Variants in UNC50 observed in about 807,000 individuals in gnomAD.
The protein encoded by UNC50 is protein unc-50 homolog.
UNC50 carries 24 observed loss-of-function variants against 31.5 expected under a neutral mutation model. The observed-to-expected ratio is 0.76, with a 90% CI of 0.55 to 1.07. UNC50 has a LOEUF of 1.07. Among genes scored for constraint, UNC50 ranks in the 50% least tolerant of loss-of-function variants. The pLI is 0.00. For missense variants in UNC50, 245 were observed against 304.2 expected (o/e 0.81, Z 1.45); for synonymous variants, 118 against 114.7 (o/e 1.03, Z -0.18).
At chr2:98,609,031 G>C (rs891140801) in intron 1 of UNC50, 2 of 155,034 alleles carry the variant, frequency 1.3e-5, no homozygotes, top group Non-Finnish European at 2.9e-5. Flanking sequence ...GTTTTTATTT[G>C]CTAAATCTGG....
intron 5 of UNC50, among the ~76,000 whole-genome samples, chr2:98,617,330 C>A (rs914522046): frequency 6.6e-6 from 1 of 152,178 alleles, no homozygotes; most frequent in African/African-American, 2.4e-5. Flanking sequence ...GTTCTCTCCC[C>A]CCTTGGCTGG....
At chr2:98,616,576 G>A (rs375128650) in intron 5 of UNC50, 43 bp downstream of exon 5, 12 of 1,511,660 alleles carry the variant, frequency 7.9e-6, no homozygotes, top group Non-Finnish European at 1.0e-5. Flanking sequence ...AACATAGCAA[G>A]AGGGGGAAAG....
intron 5 of UNC50, among the ~76,000 whole-genome samples, chr2:98,617,186 A>G (rs1318478955): frequency 6.6e-6 from 1 of 152,228 alleles, no homozygotes; most frequent in African/African-American, 2.4e-5. Flanking sequence ...CCCATTAAAT[A>G]AAGCCAAATA....
Position 98,609,983 on chromosome 2 carries a change from A to G in UNC50, c.224A>G (p.Asp75Gly). 2.5e-6 allele frequency: 4 copies of G among 1,614,234 alleles called. No homozygotes were observed. Among genetic ancestry groups the G allele is most frequent in the Non-Finnish European group, 3.4e-6 (4 of 1,180,040 alleles). ...RNFHYRKQTK[D>G]QWARDDPAFL... is the part of the protein sequence containing the mutation. ...TTTCATTATCGAAAACAGACGAAGG[A>G]CCAGTGGGCCAGAGATGACCCTGCT... The change falls in exon 2 of 6, where the codon GAC (aspartate) becomes GGC (glycine). Residue 75 changes from aspartate (D) to glycine (G), a missense_variant. Transcript: ENST00000357765.
At chr2:98,610,701 AG>A (rs1700812142) in intron 2 of UNC50, 73 bp from the exon 3 acceptor site, 3 of 1,552,070 alleles carry the variant, frequency 1.9e-6, no homozygotes, top group Non-Finnish European at 2.6e-6. Context: ...GGGCATCTGG[AG>A]GGCAAGGGAT....
intron 3 of UNC50, among the ~76,000 whole-genome samples, chr2:98,611,633 T>A (rs558662628): frequency 1.1e-4 from 16 of 152,308 alleles, no homozygotes; most frequent in African/African-American, 3.6e-4. Flanking sequence ...CCAGCTTGAC[T>A]TTTCCCTTTG....
At chr2:98,614,279 G>C (rs925329772) in intron 3 of UNC50, among the ~76,000 whole-genome samples, 1 of 152,192 alleles carries the variant, frequency 6.6e-6, no homozygotes, top group Admixed American at 6.5e-5. Context: ...GGAATAGAGA[G>C]GAGAGATGGA....
At chr2:98,613,175 T>A (rs1300676305) in intron 3 of UNC50, among the ~76,000 whole-genome samples, 1 of 152,230 alleles carries the variant, frequency 6.6e-6, no homozygotes, top group African/African-American at 2.4e-5. Context: ...TAATATAAAA[T>A]TCTAAAATCT....
chr2:98,608,936 A>G (rs999942400), intron 1 of UNC50: 3 of 205,256 alleles, frequency 1.5e-5, no homozygotes, highest in Admixed American at 5.7e-5. Flanking sequence ...TAGTATAAGC[A>G]TGTCCGAAAT....
At position 98,618,401 on chromosome 2, in the gene UNC50, T is replaced by C. The variant is rs1700977447; in HGVS notation, c.*97T>C. The C allele has an allele frequency of 7.4e-7, 1 of 1,346,722 alleles. No homozygotes were observed. Among genetic ancestry groups the C allele is most frequent in the Non-Finnish European group, 9.7e-7 (1 of 1,027,396 alleles). 83.4% of individuals were successfully genotyped at this position (1,346,722 alleles called of 1,614,324 possible). On this transcript the variant is annotated 3_prime_UTR_variant, in exon 6 of 6. Coordinates refer to ENST00000357765, the MANE Select transcript of UNC50 (RefSeq NM_014044.7). ...AAATAAACTATCATCTTTGTAGATATCTTAAAGGTGTAAAGTTTGCAAATT... is the reference window on the plus strand; with the variant it reads ...AAATAAACTATCATCTTTGTAGATACCTTAAAGGTGTAAAGTTTGCAAATT...
At chr2:98,613,570 T>G (rs918767080) in intron 3 of UNC50, among the ~76,000 whole-genome samples, 1 of 152,126 alleles carries the variant, frequency 6.6e-6, no homozygotes, top group African/African-American at 2.4e-5. Flanking sequence ...CATCAGATCT[T>G]GTGAGACTCA....
rs1280335613 is a variant in UNC50 at position 98,616,430 on chromosome 2, A to G, written c.542-2A>G. 6.2e-7 allele frequency: 1 copy of G among 1,614,080 alleles called. No individual in the cohort carries two copies. The highest frequency in any genetic ancestry group is 2.2e-5 in the East Asian group (1 of 44,868). On this transcript the variant is annotated splice_acceptor_variant, in intron 4 of 5. Transcript: ENST00000357765. LOFTEE classifies it high-confidence loss of function. ...ACTCATGGTCTGCGTCTCTTCTGGCAGATGTTATCCTGACAGACACATTTA... is the reference window on the plus strand; with the variant it reads ...ACTCATGGTCTGCGTCTCTTCTGGCGGATGTTATCCTGACAGACACATTTA...
intron 5 of UNC50, 147 bp from the exon 6 acceptor site, chr2:98,618,021 T>A: frequency 1.2e-6 from 1 of 859,328 alleles, no homozygotes. Context: ...AGTCTAGTTC[T>A]GGGCATAAAT....
rs1553534036 is a variant in UNC50 at position 98,618,138 on chromosome 2, T to TA, written c.644-27dup. The TA allele has an allele frequency of 0.07, 101,673 of 1,454,496 alleles. 1,237 individuals carry two copies. The highest frequency in any genetic ancestry group is 0.16 in the East Asian group (6,053 of 38,668). 90.1% of individuals were successfully genotyped at this position (1,454,496 alleles called of 1,614,324 possible). A position where few individuals can be genotyped will look rare whatever the true frequency, so the allele number is the denominator to read the frequency against. On this transcript the variant is annotated intron_variant, in intron 5 of 5. Coordinates refer to ENST00000357765, the MANE Select transcript of UNC50 (RefSeq NM_014044.7). ...TTAGTCATTTATTTTTTTTTTTTTTTAAATCAGTTTGGATTCCTTTCTTTT... is the reference window on the plus strand; with the variant it reads ...TTAGTCATTTATTTTTTTTTTTTTTTAAAATCAGTTTGGATTCCTTTCTTTT...
Position 98,610,014 on chromosome 2 carries a change from G to A in UNC50, c.255G>A (p.Leu85=). ...DQWARDDPAF[L]VLLSIWLCVS... Reference sequence around the variant, plus strand: ...GGGCCAGAGATGACCCTGCTTTCTTGGTCCTGTTAAGTATCTGGCTCTGTG... The same window carrying A: ...GGGCCAGAGATGACCCTGCTTTCTTAGTCCTGTTAAGTATCTGGCTCTGTG... The change falls in exon 2 of 6, where the codon TTG becomes TTA. Residue 85 remains leucine, a synonymous_variant. Transcript: ENST00000357765. 6.2e-7 allele frequency: 1 copy of A among 1,613,832 alleles called. No individual in the cohort carries two copies. Among genetic ancestry groups the A allele is most frequent in the Non-Finnish European group, 8.5e-7 (1 of 1,179,732 alleles).
At position 98,609,920 on chromosome 2, in the gene UNC50, T is replaced by A; in HGVS notation, c.161T>A (p.Leu54His). ...TTTGAATTTGCTGCCTGGCAGATGC[T>A]CTACCTGTTCACATCCCCACAGAGA... Reference protein sequence around the residue: ...MDFEFAAWQMLYLFTSPQRVY... With the variant: ...MDFEFAAWQMHYLFTSPQRVY... The change falls in exon 2 of 6, where the codon CTC (leucine) becomes CAC (histidine). Residue 54 changes from leucine (L) to histidine (H), a missense_variant. By Grantham distance (99) the Leu-to-His change is moderately conservative (BLOSUM62 -3). Coordinates refer to ENST00000357765, the MANE Select transcript of UNC50 (RefSeq NM_014044.7). The A allele has an allele frequency of 6.2e-7, 1 of 1,614,190 alleles. No homozygotes were observed. The highest frequency in any genetic ancestry group is 8.5e-7 in the Non-Finnish European group (1 of 1,180,022).
In UNC50 at chr2:98,616,456, T is replaced by A; in HGVS notation, c.566T>A (p.Ile189Asn). ...INHVILTDTF[I>N]GYLVGNTLWL... The stretch of plus-strand genomic sequence containing the variant: ...GATGTTATCCTGACAGACACATTTA[T>A]TGGATATTTAGTTGGAAATACCTTA... The change falls in exon 5 of 6, where the codon ATT (isoleucine) becomes AAT (asparagine). Residue 189 changes from isoleucine to asparagine, a missense_variant. Physicochemically the swap from Ile to Asn is moderately radical, Grantham distance 149. Coordinates refer to ENST00000357765, the MANE Select transcript of UNC50 (RefSeq NM_014044.7). The A allele has an allele frequency of 1.2e-6, 2 of 1,614,164 alleles. No individual in the cohort carries two copies. The highest frequency in any genetic ancestry group is 1.7e-6 in the Non-Finnish European group (2 of 1,179,988).
intron 5 of UNC50, among the ~76,000 whole-genome samples, chr2:98,617,202 T>TAGAG (rs1394160690): frequency 6.6e-6 from 1 of 152,224 alleles, no homozygotes; most frequent in African/African-American, 2.4e-5. Flanking sequence ...AAATAAAATC[T>TAGAG]AGAGACTGCG....
At position 98,618,323 on chromosome 2, in the gene UNC50, A is replaced by T; in HGVS notation, c.*19A>T. ...GAAATAAAAAGTGAGAAGAAGATTC[A>T]ATCGTAACTGTGTCAACAGTATTGT... On this transcript the variant is annotated 3_prime_UTR_variant, in exon 6 of 6. Transcript: ENST00000357765. The T allele has an allele frequency of 6.3e-7, 1 of 1,588,756 alleles. No individual in the cohort carries two copies. The highest frequency in any genetic ancestry group is 1.2e-5 in the South Asian group (1 of 85,996).
Sources: gnomAD v4.1 joint callset for allele counts (sites outside exome capture counted in the v4.1 genomes callset) on GRCh38, gnomAD v4.1.1 for gene constraint, MANE v1.5 for transcripts, NCBI Gene and HGNC (gene_info 2026-07-23, HGNC 2026-07-21) for gene names.